KDM4C: variants seen among roughly 807,000 people sequenced by gnomAD.
The protein encoded by KDM4C is lysine-specific demethylase 4C.
In KDM4C, 81 loss-of-function variants were observed where a neutral mutation model predicts 129.3. The observed-to-expected ratio is 0.63, with a 90% CI of 0.52 to 0.75. The LOEUF is 0.75. Ranked by LOEUF, KDM4C falls within the 30% of genes least tolerant of loss-of-function variation. The probability of loss-of-function intolerance (pLI) is 0.00; values close to 1 mark genes in which losing one functional copy is unlikely to be tolerated. For missense variants in KDM4C, 1,457 were observed against 1,304.0 expected, an observed-to-expected ratio of 1.12 and a Z score of -1.81; for synonymous variants, 573 against 456.1, an observed-to-expected ratio of 1.26 and a Z score of -3.26.
At chr9:6,867,715 C>T (rs9695266) in intron 5 of KDM4C, among the ~76,000 whole-genome samples, 52,233 of 152,148 alleles carry the variant, frequency 0.34, 10,414 homozygotes, top group Middle Eastern at 0.55. Flanking sequence ...TGAGCACACA[C>T]CTGTGTCAGG....
intron 17 of KDM4C, among the ~76,000 whole-genome samples, chr9:7,058,314 C>T (rs1831157040): frequency 6.6e-6 from 1 of 152,076 alleles, no homozygotes. Context: ...TTTAGACTAA[C>T]GATGCAAGTG....
At chr9:7,138,380 G>A (rs1000023464) in intron 19 of KDM4C, among the ~76,000 whole-genome samples, 1 of 152,156 alleles carries the variant, frequency 6.6e-6, no homozygotes, top group Non-Finnish European at 1.5e-5. Context: ...TACCATTATA[G>A]AATTTTATAT....
At chr9:6,989,948 T>G (rs1818425896) in intron 11 of KDM4C, among the ~76,000 whole-genome samples, 1 of 151,874 alleles carries the variant, frequency 6.6e-6, no homozygotes, top group African/African-American at 2.4e-5. Flanking sequence ...CTATTTTTTT[T>G]TTTTTAAATT....
chr9:6,925,548 G>A, intron 8 of KDM4C: 2 of 956,574 alleles, frequency 2.1e-6, no homozygotes, highest in Non-Finnish European at 2.5e-6. Context: ...CTCCCACCTT[G>A]GCCTCCCGAA....
At chr9:6,943,329 T>C (rs1341861696) in intron 8 of KDM4C, among the ~76,000 whole-genome samples, 1 of 152,246 alleles carries the variant, frequency 6.6e-6, no homozygotes, top group Non-Finnish European at 1.5e-5. Context: ...TGTAAAGATT[T>C]GTAAGTCTTT....
chr9:7,042,693 G>C (rs1828791473), intron 15 of KDM4C, among the ~76,000 whole-genome samples: 1 of 152,036 alleles, frequency 6.6e-6, no homozygotes, highest in African/African-American at 2.4e-5. Flanking sequence ...TCACAGGGCA[G>C]GCATTGCTTC....
intron 17 of KDM4C, among the ~76,000 whole-genome samples, chr9:7,067,160 T>C (rs1411533965): frequency 6.6e-6 from 1 of 152,242 alleles, no homozygotes; most frequent in African/African-American, 2.4e-5. Flanking sequence ...CAATCACCAT[T>C]TAATTTCAAA....
chr9:6,939,344 C>G (rs928403159), intron 8 of KDM4C, among the ~76,000 whole-genome samples: 1 of 152,070 alleles, frequency 6.6e-6, no homozygotes, highest in African/African-American at 2.4e-5. Context: ...TCTCCCATCC[C>G]CCCGTGAGGG....
chr9:6,813,345 A>G (rs1831510211), intron 3 of KDM4C, among the ~76,000 whole-genome samples: 1 of 152,054 alleles, frequency 6.6e-6, no homozygotes, highest in African/African-American at 2.4e-5. Context: ...CATCCTTTTT[A>G]TTTTTGACTG....
chr9:6,820,760 A>G (rs1263107602), intron 4 of KDM4C, among the ~76,000 whole-genome samples: 2 of 143,630 alleles, frequency 1.4e-5, no homozygotes, highest in East Asian at 2.0e-4. Flanking sequence ...TCTAGGATAC[A>G]TGTGCAACGT....
chr9:7,007,686 C>T (rs1821927976), intron 12 of KDM4C, among the ~76,000 whole-genome samples: 1 of 151,956 alleles, frequency 6.6e-6, no homozygotes, highest in African/African-American at 2.4e-5. Context: ...TCTCAGGAAG[C>T]CTTATGTTCT....
intron 17 of KDM4C, among the ~76,000 whole-genome samples, chr9:7,084,550 A>T (rs16925302): frequency 6.6e-6 from 1 of 151,814 alleles, no homozygotes; most frequent in African/African-American, 2.4e-5. Flanking sequence ...CTGCATGACT[A>T]TTCATAAGGC....
At position 6,879,994 on chromosome 9, in the gene KDM4C, T is replaced by G. The variant is rs1341953023; in HGVS notation, c.630-18T>G. 6.1e-6 allele frequency: 9 copies of G among 1,465,318 alleles called. No individual in the cohort carries two copies. The highest frequency in any genetic ancestry group is 8.4e-6 in the Non-Finnish European group (9 of 1,068,450). The allele number at this position is 1,465,318 out of a possible 1,614,324, so 90.8% of individuals were successfully genotyped here. ...AAAATTATAAACCTAAAATTTTTAC[T>G]TATGTTTAAAATTTTAGGTATGCTA... On this transcript the variant is annotated intron_variant, in intron 5 of 21. Coordinates refer to ENST00000381309, the MANE Select transcript of KDM4C (RefSeq NM_015061.6).
chr9:6,744,848 C>A (rs1817824509), intron 1 of KDM4C, among the ~76,000 whole-genome samples: 1 of 147,184 alleles, frequency 6.8e-6, no homozygotes, highest in African/African-American at 2.5e-5. Flanking sequence ...GGCACCAGGG[C>A]AAGGTGGGGG....
At chr9:6,967,744 C>G (rs563955859) in intron 8 of KDM4C, among the ~76,000 whole-genome samples, 1 of 152,262 alleles carries the variant, frequency 6.6e-6, no homozygotes. Context: ...CTATTATCCT[C>G]GAGTTCAGAG....
intron 18 of KDM4C, among the ~76,000 whole-genome samples, chr9:7,113,633 C>A (rs960091515): frequency 3.3e-5 from 5 of 152,118 alleles, no homozygotes; most frequent in Non-Finnish European, 5.9e-5. Context: ...GCATACTCTA[C>A]GAAAGAAGGC....
Position 6,726,569 on chromosome 9 carries a change from CT to C in KDM4C, c.49+5575del, listed in dbSNP as rs537124365. ...AACACCTTCGCCTTCCTCCGCTTCT[CT>C]TTGGCTACCATGGTCACCCTCCACA... On this transcript the variant is annotated intron_variant, in intron 1 of 17. Transcript: ENST00000536108. 632 of 152,554 alleles carry C rather than the reference CT, an allele frequency of 4.1e-3. 6 individuals carry two copies. Among genetic ancestry groups the C allele is most frequent in the South Asian group, 7.3e-3 (35 of 4,826 alleles). 9.5% of individuals were successfully genotyped at this position (152,554 alleles called of 1,614,324 possible). A position where few individuals can be genotyped will look rare whatever the true frequency, so the allele number is the denominator to read the frequency against.
chr9:7,045,013 C>G (rs1205688015), intron 15 of KDM4C, among the ~76,000 whole-genome samples: 1 of 151,870 alleles, frequency 6.6e-6, no homozygotes, highest in Admixed American at 6.6e-5. Flanking sequence ...TTGGAATTGT[C>G]TATTAGATAC....
intron 4 of KDM4C, chr9:6,834,788 C>T (rs1588590823): frequency 7.5e-7 from 1 of 1,327,756 alleles, no homozygotes; most frequent in Non-Finnish European, 1.1e-6. Context: ...CCCCCTGAAC[C>T]CCAAGGCCAG....
Sources: gnomAD v4.1 joint callset for allele counts (sites outside exome capture counted in the v4.1 genomes callset) on GRCh38, gnomAD v4.1.1 for gene constraint, MANE v1.5 for transcripts, NCBI Gene and HGNC (gene_info 2026-07-23, HGNC 2026-07-21) for gene names.